SLC25A16: variants seen among roughly 807,000 people sequenced by gnomAD.
SLC25A16 encodes mitochondrial coenzyme A transporter SLC25A16.
Under a neutral mutation model 41.5 loss-of-function variants are expected in SLC25A16, and 39 were observed. The ratio of observed to expected loss-of-function variants is 0.94; its 90% CI spans 0.73 to 1.23. The LOEUF is 1.23. Among genes scored for constraint, SLC25A16 ranks in the 50% most tolerant of loss-of-function variants. SLC25A16 has a pLI of 0.00. For missense variants in SLC25A16, 421 were observed against 426.9 expected, an observed-to-expected ratio of 0.99 and a Z score of 0.12; for synonymous variants, 146 against 147.8, an observed-to-expected ratio of 0.99 and a Z score of 0.09.
chr10:68,522,477 C>T (rs955789625), intron 1 of SLC25A16, among the ~76,000 whole-genome samples: 2 of 151,192 alleles, frequency 1.3e-5, no homozygotes, highest in African/African-American at 2.4e-5. Context: ...GTCAGGAATT[C>T]GAGACCAGTC....
chr10:68,494,604 G>C (rs2052718530), intron 4 of SLC25A16, among the ~76,000 whole-genome samples: 1 of 148,862 alleles, frequency 6.7e-6, no homozygotes, highest in African/African-American at 2.4e-5. Flanking sequence ...GTGGGAGCTA[G>C]GCATGCTCAC....
chr10:68,523,309 T>A (rs754740650), intron 1 of SLC25A16, among the ~76,000 whole-genome samples: 2 of 151,766 alleles, frequency 1.3e-5, no homozygotes, highest in Admixed American at 6.6e-5. Flanking sequence ...CCCAGGCTGG[T>A]CTCCAACTCA....
chr10:68,486,627 G>A (rs1363861290), intron 8 of SLC25A16, among the ~76,000 whole-genome samples: 2 of 151,768 alleles, frequency 1.3e-5, no homozygotes, highest in African/African-American at 4.8e-5. Flanking sequence ...GCCCTCCTCG[G>A]ATTCCCAAAG....
chr10:68,499,960 C>T lies in SLC25A16; in HGVS notation c.421+3672G>A, dbSNP rs573907788. Reference sequence around the variant, plus strand: ...CAAGGAAGAAACAATTGAGAAGAGGCAGGAATAAAGTAATCTTATATACAA... The same window carrying T: ...CAAGGAAGAAACAATTGAGAAGAGGTAGGAATAAAGTAATCTTATATACAA... On this transcript the variant is annotated intron_variant, in intron 4 of 8. Coordinates refer to ENST00000609923, the MANE Select transcript of SLC25A16 (RefSeq NM_152707.4). 57 of 537,058 alleles carry T rather than the reference C, an allele frequency of 1.1e-4. No homozygotes were observed. The Admixed American group carries it at 1.3e-3, about 12-fold the overall frequency. 33.3% of individuals were successfully genotyped at this position (537,058 alleles called of 1,614,324 possible). A position where few individuals can be genotyped will look rare whatever the true frequency, so the allele number is the denominator to read the frequency against.
In SLC25A16 at chr10:68,527,399, C is replaced by T. The variant is rs1275320312; in HGVS notation, c.-24G>A. ...ATCAGGACCAGGGTCGCGTCAGGAG[C>T]CTAGGTTGCCAACTTACAGAACACC... On this transcript the variant is annotated 5_prime_UTR_variant, in exon 1 of 9. Coordinates refer to ENST00000609923, the MANE Select transcript of SLC25A16 (RefSeq NM_152707.4). The T allele has an allele frequency of 6.9e-7, 1 of 1,453,678 alleles. No individual in the cohort carries two copies. The highest frequency in any genetic ancestry group is 1.5e-5 in the African/African-American group (1 of 67,248). The allele number at this position is 1,453,678 out of a possible 1,614,324, so 90.0% of individuals were successfully genotyped here. A position where few individuals can be genotyped will look rare whatever the true frequency, so the allele number is the denominator to read the frequency against.
chr10:68,513,072 G>A (rs1321652746), intron 2 of SLC25A16, among the ~76,000 whole-genome samples: 1 of 152,018 alleles, frequency 6.6e-6, no homozygotes, highest in East Asian at 1.9e-4. Flanking sequence ...TTGGCTGGGC[G>A]GTGAAGTCCC....
At chr10:68,489,628 C>T (rs761149928) in intron 6 of SLC25A16, among the ~76,000 whole-genome samples, 5 of 151,798 alleles carry the variant, frequency 3.3e-5, no homozygotes, top group African/African-American at 9.7e-5. Context: ...ATTGGCCAGG[C>T]GCGGTGGCTT....
intron 4 of SLC25A16, among the ~76,000 whole-genome samples, chr10:68,495,801 A>G (rs1432051658): frequency 6.8e-6 from 1 of 147,844 alleles, no homozygotes; most frequent in Admixed American, 6.8e-5. Context: ...AAAAAAAAAA[A>G]GAGAAAAGAG....
intron 1 of SLC25A16, 175 bp from the exon 2 acceptor site, chr10:68,517,018 T>G: frequency 8.5e-7 from 1 of 1,180,182 alleles, no homozygotes. Context: ...ACTTAATAAG[T>G]GAGCATGATT....
chr10:68,491,798 TTTGC>T (rs199915205), intron 6 of SLC25A16, among the ~76,000 whole-genome samples: 4 of 150,984 alleles, frequency 2.6e-5, no homozygotes, highest in African/African-American at 4.8e-5. Flanking sequence ...CTTCTCTCTG[TTTGC>T]TTGCTTGCTT....
intron 6 of SLC25A16, among the ~76,000 whole-genome samples, chr10:68,489,889 G>C (rs2052627624): frequency 7.4e-6 from 1 of 135,124 alleles, no homozygotes; most frequent in Non-Finnish European, 1.5e-5. Flanking sequence ...AACAGAGCGA[G>C]ACTCTGTCTC....
chr10:68,480,285 A>G lies in SLC25A16; in HGVS notation c.*3147T>C, dbSNP rs1053528707. The G allele has an allele frequency of 1.3e-5, 2 of 152,158 alleles. No homozygotes were observed. Among genetic ancestry groups the G allele is most frequent in the Non-Finnish European group, 2.9e-5 (2 of 68,028 alleles). 9.4% of individuals were successfully genotyped at this position (152,158 alleles called of 1,614,324 possible). On this transcript the variant is annotated 3_prime_UTR_variant, in exon 9 of 9. Transcript: ENST00000609923. ...GCAATCTGAAATAAATCAGATATAA[A>G]CACAGTCATTATTTTAAATATTCTT...
chr10:68,513,422 GA>G (rs143827976), intron 2 of SLC25A16, among the ~76,000 whole-genome samples: 11,564 of 129,238 alleles, frequency 0.089, 689 homozygotes, highest in South Asian at 0.26. Flanking sequence ...AAAAAAAGAG[GA>G]AAAAAAAAAG....
intron 1 of SLC25A16, among the ~76,000 whole-genome samples, chr10:68,524,503 T>C (rs1028035427): frequency 6.6e-6 from 1 of 151,332 alleles, no homozygotes; most frequent in Non-Finnish European, 1.5e-5. Flanking sequence ...ATGGCACTAA[T>C]GCACTCCAGC....
At chr10:68,516,615 C>A (rs1348788739) in intron 2 of SLC25A16, 136 bp downstream of exon 2, 3 of 548,610 alleles carry the variant, frequency 5.5e-6, no homozygotes, top group Non-Finnish European at 9.6e-6. Context: ...ACTATTTATT[C>A]CTAATTAAAT....
At chr10:68,513,994 C>T (rs1376600035) in intron 2 of SLC25A16, among the ~76,000 whole-genome samples, 1 of 151,962 alleles carries the variant, frequency 6.6e-6, no homozygotes, top group African/African-American at 2.4e-5. Flanking sequence ...GTTAGGAGTT[C>T]GAGGCAGCCA....
At chr10:68,516,916 G>A (rs2053170714) in intron 1 of SLC25A16, 73 bp from the exon 2 acceptor site, 1 of 1,266,810 alleles carries the variant, frequency 7.9e-7, no homozygotes, top group East Asian at 2.4e-5. Flanking sequence ...TAGTTGTTCA[G>A]CCAGCAAACC....
In SLC25A16 at chr10:68,527,464, G is replaced by T; in HGVS notation, c.-89C>A. ...CCGGAACAGGCGGTGACAGGAGGCT[G>T]ACCGCCCCGCCGGCGGGGCAAAGTA... is the stretch of plus-strand genomic sequence containing the variant. On this transcript the variant is annotated 5_prime_UTR_variant, in exon 1 of 9. Coordinates refer to ENST00000609923, the MANE Select transcript of SLC25A16 (RefSeq NM_152707.4). 1 of 1,296,098 alleles carries T rather than the reference G, an allele frequency of 7.7e-7. No individual in the cohort carries two copies. Among genetic ancestry groups the T allele is most frequent in the Non-Finnish European group, 1.0e-6 (1 of 994,880 alleles). 80.3% of individuals were successfully genotyped at this position (1,296,098 alleles called of 1,614,324 possible). A position where few individuals can be genotyped will look rare whatever the true frequency, so the allele number is the denominator to read the frequency against.
intron 4 of SLC25A16, among the ~76,000 whole-genome samples, chr10:68,500,937 A>G (rs2052832092): frequency 6.6e-6 from 1 of 151,274 alleles, no homozygotes; most frequent in Non-Finnish European, 1.5e-5. Flanking sequence ...TCTCAAAAAA[A>G]GAAGAAAAAA....
Sources: gnomAD v4.1 joint callset for allele counts (sites outside exome capture counted in the v4.1 genomes callset) on GRCh38, gnomAD v4.1.1 for gene constraint, MANE v1.5 for transcripts, NCBI Gene and HGNC (gene_info 2026-07-23, HGNC 2026-07-21) for gene names.